The following SYNRG variants were observed in gnomAD, a reference collection of about 807,000 sequenced individuals.
SYNRG encodes the protein AP1 gamma subunit binding protein 1.
A neutral mutation model predicts 130.9 loss-of-function variants in SYNRG; 37 were observed. The ratio of observed to expected loss-of-function variants is 0.28; its 90% CI spans 0.22 to 0.37. The LOEUF (loss-of-function observed/expected upper bound fraction) is 0.37, where lower values mean the gene tolerates loss of function less well. SYNRG is among the 10% of genes least tolerant of loss of function. SYNRG has a pLI of 1.00. For missense variants in SYNRG, 1,338 were observed against 1,588.9 expected, an observed-to-expected ratio of 0.84 and a Z score of 2.68; for synonymous variants, 539 against 568.1, an observed-to-expected ratio of 0.95 and a Z score of 0.73.
intron 2 of SYNRG, 34 bp from the exon 3 acceptor site, chr17:37,596,378 G>A (rs376077304): frequency 3.7e-6 from 6 of 1,608,400 alleles, no homozygotes; most frequent in Admixed American, 1.7e-5. Context: ...AAGTCAATGT[G>A]TTTTAAAGTT....
intron 11 of SYNRG, 40 bp downstream of exon 11, chr17:37,568,751 T>G (rs778089617): frequency 2.5e-6 from 4 of 1,594,386 alleles, no homozygotes; most frequent in Non-Finnish European, 3.4e-6. Context: ...TCTTTCTTAA[T>G]GGTTAAATGC....
chr17:37,561,530 T>A lies in SYNRG; in HGVS notation c.1541A>T (p.Tyr514Phe). 2 of 1,613,856 alleles carry A rather than the reference T, an allele frequency of 1.2e-6. No homozygotes were observed. Among genetic ancestry groups the A allele is most frequent in the Non-Finnish European group, 1.7e-6 (2 of 1,179,824 alleles). The change falls in exon 12 of 22, where the codon TAT becomes TTT. Residue 514 changes from tyrosine (Y) to phenylalanine (F), a missense_variant. Transcript: ENST00000612223. The part of the protein sequence containing the change: ...GTKALPSMDK[Y>F]AVFKGIAADK... ...AGCTGCAATTCCTTTAAACACAGCA[T>A]ATTTGTCCATTGAAGGCAATGCTTT... is the stretch of plus-strand genomic sequence containing the variant.
chr17:37,571,731 C>A, intron 9 of SYNRG, 60 bp downstream of exon 9: 2 of 1,478,544 alleles, frequency 1.4e-6, no homozygotes, highest in Non-Finnish European at 1.8e-6. Context: ...AAAAAGATTT[C>A]ATATCCTTGC....
rs757163939 is a variant in SYNRG at position 37,553,777 on chromosome 17, G to A, written c.1946C>T (p.Thr649Ile). ...TSKSVSTPQS[T>I]GSAATMTALA... ...TGCTGTCATAGTAGCAGCAGAACCT[G>A]TTGACTGTGGTGTAGAAACTGATTT... The change falls in exon 14 of 22, where the codon ACA (threonine) becomes ATA (isoleucine). Residue 649 changes from threonine to isoleucine, a missense_variant. Coordinates refer to ENST00000612223, the MANE Select transcript of SYNRG (RefSeq NM_007247.6). The A allele has an allele frequency of 6.2e-7, 1 of 1,612,310 alleles. No homozygotes were observed. The highest frequency in any genetic ancestry group is 2.2e-5 in the East Asian group (1 of 44,888).
At chr17:37,549,043 G>A (rs986469879) in intron 14 of SYNRG, among the ~76,000 whole-genome samples, 22 of 150,878 alleles carry the variant, frequency 1.5e-4, no homozygotes, top group African/African-American at 5.4e-4. Context: ...GCCGAGGCAG[G>A]AGAATCACTT....
chr17:37,546,907 C>A lies in SYNRG; in HGVS notation c.2609-4342G>T, dbSNP rs1334943232. On this transcript the variant is annotated intron_variant, in intron 14 of 21. Coordinates refer to ENST00000612223, the MANE Select transcript of SYNRG (RefSeq NM_007247.6). ...TTGTACATTTCAGTTTCTCTCTACC[C>A]TGGGCCCTAATCTCCCTTAGTCCCT... 2.0e-5 allele frequency among the ~76,000 whole-genome samples: 3 copies of A among 152,162 alleles called. No homozygotes were observed. In the East Asian group the frequency reaches 5.8e-4, roughly 29 times the overall value.
chr17:37,528,399 A>C (rs2056211852), intron 19 of SYNRG, among the ~76,000 whole-genome samples: 1 of 152,356 alleles, frequency 6.6e-6, no homozygotes, highest in African/African-American at 2.4e-5. Flanking sequence ...AATGTAAAGC[A>C]TATAGCACAA....
intron 3 of SYNRG, among the ~76,000 whole-genome samples, chr17:37,591,578 T>C (rs1049780886): frequency 1.3e-5 from 2 of 152,202 alleles, no homozygotes; most frequent in Admixed American, 6.5e-5. Flanking sequence ...ATGAAGACTG[T>C]GTTATTGGTG....
intron 6 of SYNRG, among the ~76,000 whole-genome samples, chr17:37,582,060 G>A (rs1245693188): frequency 2.0e-5 from 3 of 152,034 alleles, no homozygotes; most frequent in Non-Finnish European, 4.4e-5. Flanking sequence ...ACCGCACCTG[G>A]CCTCCCCACA....
chr17:37,542,181 C>CG lies in SYNRG; in HGVS notation c.2992dup (p.Arg998ProfsTer26). 2 of 1,614,198 alleles carry CG rather than the reference C, an allele frequency of 1.2e-6. No individual in the cohort carries two copies. Among genetic ancestry groups the CG allele is most frequent in the Non-Finnish European group, 1.7e-6 (2 of 1,180,040 alleles). On this transcript the variant is annotated frameshift_variant, in exon 15 of 22. Coordinates refer to ENST00000612223, the MANE Select transcript of SYNRG (RefSeq NM_007247.6). LOFTEE classifies it high-confidence loss of function. ...GCTGGGACACGTGGCCTCCTGGCTC[C>CG]GTTCAGCCGTAGGCAGGTCCTGTTT...
rs1285611545 is a variant in SYNRG, at chr17:37,571,990, A to G, written c.902-3T>C. 1 of 1,606,802 alleles carries G rather than the reference A, an allele frequency of 6.2e-7. No individual in the cohort carries two copies. Among genetic ancestry groups the G allele is most frequent in the Admixed American group, 1.7e-5 (1 of 58,258 alleles). Reference sequence around the variant, plus strand: ...TTCTAAGATTTTCTTATAGGCATCTATTAAAGGAAAGACCAGATTACAAAT... The same window carrying G: ...TTCTAAGATTTTCTTATAGGCATCTGTTAAAGGAAAGACCAGATTACAAAT... On this transcript the variant is annotated splice_polypyrimidine_tract_variant and splice_region_variant and intron_variant, in intron 8 of 21. Coordinates refer to ENST00000612223, the MANE Select transcript of SYNRG (RefSeq NM_007247.6).
chr17:37,605,727 G>A, intron 1 of SYNRG: 3 of 820,018 alleles, frequency 3.7e-6, no homozygotes, highest in Non-Finnish European at 4.4e-6. Flanking sequence ...CAAAAAACTG[G>A]GCAGGAAGGT....
chr17:37,600,093 A>G (rs1455357248), intron 2 of SYNRG, among the ~76,000 whole-genome samples: 1 of 152,226 alleles, frequency 6.6e-6, no homozygotes, highest in Non-Finnish European at 1.5e-5. Flanking sequence ...TTGTCCTAAA[A>G]GTCTTTCACC....
chr17:37,563,764 G>A (rs1265307906), intron 11 of SYNRG, among the ~76,000 whole-genome samples: 1 of 151,860 alleles, frequency 6.6e-6, no homozygotes, highest in Non-Finnish European at 1.5e-5. Flanking sequence ...GTGAAATCCT[G>A]GGCTCAAGTG....
At chr17:37,529,819 C>T (rs2056423195) in intron 19 of SYNRG, 1 of 1,551,552 alleles carries the variant, frequency 6.4e-7, no homozygotes, top group Admixed American at 2.0e-5. Context: ...GAGAGAGATG[C>T]TTTGTAATCA....
rs539899695 is a variant in SYNRG, at chr17:37,521,749, G to A, written c.3667-1101C>T. Among the ~76,000 whole-genome samples the A allele has an allele frequency of 2.0e-5, 3 of 152,316 alleles. No homozygotes were observed. The South Asian group carries it at 6.2e-4, about 32-fold the overall frequency. Reference sequence around the variant, plus strand: ...TACCGATGGTCAGAATGAAGGCAGCGGCGGTGGGGAATGGAGAGAAATGGG... The same window carrying A: ...TACCGATGGTCAGAATGAAGGCAGCAGCGGTGGGGAATGGAGAGAAATGGG... On this transcript the variant is annotated intron_variant, in intron 19 of 21. Transcript: ENST00000612223.
intron 19 of SYNRG, among the ~76,000 whole-genome samples, chr17:37,534,372 C>T (rs1022510862): frequency 6.6e-5 from 10 of 151,718 alleles, no homozygotes; most frequent in South Asian, 4.2e-4. Context: ...ATCTATAGAC[C>T]GGGTTATGAG....
At chr17:37,571,160 TAA>T (rs2060406281) in intron 9 of SYNRG, among the ~76,000 whole-genome samples, 1 of 152,190 alleles carries the variant, frequency 6.6e-6, no homozygotes, top group South Asian at 2.1e-4. Flanking sequence ...GACTTTGCAA[TAA>T]AAGAAAAATT....
chr17:37,600,505 G>T lies in SYNRG; in HGVS notation c.78-102C>A, dbSNP rs1267541272. 35 of 1,157,810 alleles carry T rather than the reference G, an allele frequency of 3.0e-5. No individual in the cohort carries two copies. In the East Asian group the frequency reaches 7.6e-4, roughly 25 times the overall value. The allele number at this position is 1,157,810 out of a possible 1,614,324, so 71.7% of individuals were successfully genotyped here. ...GATAAAAGACTTGTAGATGGGACCT[G>T]GTGTTTGTTCTGCACCACAATACTG... On this transcript the variant is annotated intron_variant, in intron 1 of 21. Transcript: ENST00000612223.
Sources: allele counts gnomAD v4.1 joint callset (sites outside exome capture counted in the v4.1 genomes callset), GRCh38; gene constraint gnomAD v4.1.1; transcripts MANE v1.5; gene names NCBI Gene and HGNC (gene_info 2026-07-23, HGNC 2026-07-21).